The following CERS6 variants were observed in gnomAD, a reference collection of about 807,000 sequenced individuals.
CERS6 encodes LAG1 homolog, ceramide synthase 6.
A neutral mutation model predicts 56.8 loss-of-function variants in CERS6; 26 were observed. That is an observed-to-expected ratio of 0.46 (90% CI 0.34 to 0.63). The LOEUF (loss-of-function observed/expected upper bound fraction) is 0.63. Among genes scored for constraint, CERS6 ranks in the 30% least tolerant of loss-of-function variants. CERS6 has a pLI of 0.01. For missense variants in CERS6, 415 were observed against 467.5 expected, an observed-to-expected ratio of 0.89 and a Z score of 1.04; for synonymous variants, 164 against 173.3, an observed-to-expected ratio of 0.95 and a Z score of 0.42.
chr2:168,576,311 G>A (rs1411408405), intron 3 of CERS6, among the ~76,000 whole-genome samples: 1 of 152,124 alleles, frequency 6.6e-6, no homozygotes, highest in Non-Finnish European at 1.5e-5. Flanking sequence ...ATGACAAAGA[G>A]CCAGTCTTAT....
At chr2:168,676,994 T>G (rs1449216438) in intron 4 of CERS6, among the ~76,000 whole-genome samples, 1 of 150,514 alleles carries the variant, frequency 6.6e-6, no homozygotes, top group Non-Finnish European at 1.5e-5. Context: ...CTTTGTTTTT[T>G]GGGGCTTTTT....
intron 3 of CERS6, among the ~76,000 whole-genome samples, chr2:168,564,614 G>C (rs1695851613): frequency 1.3e-5 from 2 of 152,116 alleles, no homozygotes; most frequent in Non-Finnish European, 1.5e-5. Flanking sequence ...CTTCCTTCTA[G>C]AGGGTTGTGT....
intron 3 of CERS6, among the ~76,000 whole-genome samples, chr2:168,626,884 A>G (rs1261042505): frequency 6.6e-6 from 1 of 152,122 alleles, no homozygotes; most frequent in Non-Finnish European, 1.5e-5. Flanking sequence ...AGCTAAGCCA[A>G]CATTCCTCCC....
intron 1 of CERS6, among the ~76,000 whole-genome samples, chr2:168,508,525 T>C (rs1352535443): frequency 6.6e-6 from 1 of 152,148 alleles, no homozygotes; most frequent in East Asian, 1.9e-4. Flanking sequence ...TAAAATATTT[T>C]AGTGTCTAAA....
intron 1 of CERS6, among the ~76,000 whole-genome samples, chr2:168,517,004 T>G (rs1694894935): frequency 1.3e-5 from 2 of 152,112 alleles, no homozygotes; most frequent in African/African-American, 4.8e-5. Context: ...GTTAGGATAA[T>G]GAGCCAAATG....
chr2:168,672,588 T>A (rs1034100851), intron 4 of CERS6, among the ~76,000 whole-genome samples: 1 of 152,240 alleles, frequency 6.6e-6, no homozygotes, highest in Non-Finnish European at 1.5e-5. Context: ...GGCCATCTAG[T>A]TTTTATTTCC....
intron 6 of CERS6, among the ~76,000 whole-genome samples, chr2:168,701,052 G>C (rs1429697671): frequency 1.3e-5 from 2 of 152,074 alleles, no homozygotes; most frequent in Non-Finnish European, 2.9e-5. Flanking sequence ...GGACTCTCTA[G>C]GGCTCCCACT....
intron 8 of CERS6, among the ~76,000 whole-genome samples, chr2:168,746,307 A>G (rs559496553): frequency 2.6e-5 from 4 of 152,170 alleles, no homozygotes; most frequent in Non-Finnish European, 5.9e-5. Context: ...TGGGTTCTTT[A>G]TGAAAGGGGT....
intron 6 of CERS6, 137 bp downstream of exon 6, chr2:168,695,188 A>C: frequency 1.6e-6 from 1 of 639,682 alleles, no homozygotes; most frequent in Non-Finnish European, 2.7e-6. Context: ...GCGTTATTAC[A>C]GAAAGTTCTC....
At chr2:168,610,894 G>A (rs769552382) in intron 3 of CERS6, among the ~76,000 whole-genome samples, 4 of 152,030 alleles carry the variant, frequency 2.6e-5, no homozygotes, top group Non-Finnish European at 4.4e-5. Flanking sequence ...TGCAACCTCC[G>A]CCTCCCAGAT....
chr2:168,481,461 A>G (rs974553074), intron 1 of CERS6, among the ~76,000 whole-genome samples: 2 of 152,132 alleles, frequency 1.3e-5, no homozygotes, highest in Admixed American at 6.5e-5. Context: ...CTGACTTTGC[A>G]ACTGAGCAAC....
intron 1 of CERS6, among the ~76,000 whole-genome samples, chr2:168,540,788 A>G (rs1047391570): frequency 1.2e-4 from 18 of 152,094 alleles, no homozygotes; most frequent in Admixed American, 3.3e-4. Context: ...GTGAATTACA[A>G]TATTTTCTTT....
At chr2:168,514,828 G>T (rs951606834) in intron 1 of CERS6, among the ~76,000 whole-genome samples, 1 of 152,124 alleles carries the variant, frequency 6.6e-6, no homozygotes, top group Non-Finnish European at 1.5e-5. Flanking sequence ...AATTAGAAGG[G>T]ACCTGTGAGA....
chr2:168,489,607 A>C (rs13390745), intron 1 of CERS6, among the ~76,000 whole-genome samples: 11,749 of 151,154 alleles, frequency 0.078, 501 homozygotes, highest in East Asian at 0.18. Flanking sequence ...GGATCATTTC[A>C]CTGACTCTTC....
At chr2:168,710,892 G>T (rs1342634463) in intron 6 of CERS6, among the ~76,000 whole-genome samples, 1 of 152,142 alleles carries the variant, frequency 6.6e-6, no homozygotes, top group Non-Finnish European at 1.5e-5. Context: ...GGAATATAGT[G>T]GTAGGTTCTT....
chr2:168,665,952 CTGTGTGTGTGTGTGTGTGTG>C (rs58913968), intron 4 of CERS6, among the ~76,000 whole-genome samples: 2 of 143,198 alleles, frequency 1.4e-5, no homozygotes, highest in Admixed American at 7.0e-5. Flanking sequence ...AATTAGTAGA[CTGTGTGTGTGTGTGTGTGTG>C]TGTGTGTGTG....
rs573066992 is a variant in CERS6 at position 168,611,894 on chromosome 2, T to G, written c.408-19091T>G. 2.6e-5 allele frequency among the ~76,000 whole-genome samples: 4 copies of G among 152,330 alleles called. No homozygotes were observed. The South Asian group carries it at 8.3e-4, about 32-fold the overall frequency. On this transcript the variant is annotated intron_variant, in intron 3 of 9. Transcript: ENST00000305747. Reference sequence around the variant, plus strand: ...AGCCCTCCTTCATTCTACACTTGTGTCTTCTTCAAATCTAATAGGAGATGT... The same window carrying G: ...AGCCCTCCTTCATTCTACACTTGTGGCTTCTTCAAATCTAATAGGAGATGT...
At chr2:168,601,084 ACTTATTACACTTCAGC>A (rs1461599180) in intron 3 of CERS6, among the ~76,000 whole-genome samples, 10 of 152,338 alleles carry the variant, frequency 6.6e-5, no homozygotes, top group African/African-American at 2.4e-4. Flanking sequence ...ACCACTCAGT[ACTTATTACACTTCAGC>A]CTACGCCCTG....
chr2:168,536,980 T>C (rs1695276002), intron 1 of CERS6, among the ~76,000 whole-genome samples: 1 of 152,196 alleles, frequency 6.6e-6, no homozygotes, highest in Admixed American at 6.5e-5. Context: ...ACATGGACTA[T>C]TGTGTTATTT....
Sources: gnomAD v4.1 joint callset for allele counts (sites outside exome capture counted in the v4.1 genomes callset) on GRCh38, gnomAD v4.1.1 for gene constraint, MANE v1.5 for transcripts, NCBI Gene and HGNC (gene_info 2026-07-23, HGNC 2026-07-21) for gene names.